Variants in KCNIP4 observed in about 807,000 individuals in gnomAD.
KCNIP4 encodes Kv channel-interacting protein 4.
A neutral mutation model predicts 34.0 loss-of-function variants in KCNIP4; 12 were observed. That is an observed-to-expected ratio of 0.35 (90% confidence interval 0.23 to 0.57). KCNIP4 has a LOEUF of 0.57. Ranked by LOEUF, KCNIP4 falls within the 20% of genes least tolerant of loss-of-function variation. The pLI, the probability that KCNIP4 is intolerant of heterozygous loss-of-function variation, is 0.83. For missense variants in KCNIP4, 238 were observed against 311.7 expected (o/e 0.76, Z 1.78); for synonymous variants, 124 against 102.2 (o/e 1.21, Z -1.29).
intron 1 of KCNIP4, among the ~76,000 whole-genome samples, chr4:21,254,647 A>G (rs1225575307): frequency 6.6e-6 from 1 of 152,160 alleles, no homozygotes; most frequent in Admixed American, 6.5e-5. Flanking sequence ...ACCTACCTCC[A>G]CTGCTTAATG....
intron 1 of KCNIP4, among the ~76,000 whole-genome samples, chr4:21,768,809 C>G (rs749979546): frequency 7.9e-5 from 12 of 151,942 alleles, no homozygotes; most frequent in Non-Finnish European, 1.6e-4. Context: ...TGGTATACAG[C>G]CTTCAAGAAC....
chr4:20,828,522 T>A (rs550286718), intron 3 of KCNIP4, among the ~76,000 whole-genome samples: 1 of 152,194 alleles, frequency 6.6e-6, no homozygotes, highest in Non-Finnish European at 1.5e-5. Flanking sequence ...TATTAAGTCA[T>A]GTACAGAAGG....
intron 1 of KCNIP4, among the ~76,000 whole-genome samples, chr4:21,549,912 C>A (rs1227127125): frequency 2.0e-5 from 3 of 152,030 alleles, no homozygotes; most frequent in Non-Finnish European, 4.4e-5. Context: ...TCAGAAGTCC[C>A]TTCCACTACT....
At chr4:21,168,175 C>T (rs1437920760) in intron 1 of KCNIP4, among the ~76,000 whole-genome samples, 1 of 152,138 alleles carries the variant, frequency 6.6e-6, no homozygotes, top group Non-Finnish European at 1.5e-5. Flanking sequence ...GAGAGAAAGG[C>T]TTCTTGCATC....
At chr4:21,119,333 G>C (rs1016762222) in intron 1 of KCNIP4, among the ~76,000 whole-genome samples, 1 of 151,646 alleles carries the variant, frequency 6.6e-6, no homozygotes, top group East Asian at 2.0e-4. Flanking sequence ...ACAGAAGTCA[G>C]TGCAGTGGCT....
intron 1 of KCNIP4, among the ~76,000 whole-genome samples, chr4:21,105,809 T>C (rs1051247687): frequency 4.0e-5 from 6 of 151,550 alleles, no homozygotes; most frequent in African/African-American, 1.2e-4. Context: ...GCATGAAGGG[T>C]TGTTGAATTT....
At chr4:21,043,361 A>G (rs1044539406) in intron 1 of KCNIP4, among the ~76,000 whole-genome samples, 1 of 152,030 alleles carries the variant, frequency 6.6e-6, no homozygotes, top group Admixed American at 6.6e-5. Flanking sequence ...ACGGAGTCTC[A>G]CTCTGTCATC....
chr4:21,147,870 CA>C (rs1381794532), intron 1 of KCNIP4, among the ~76,000 whole-genome samples: 3 of 136,250 alleles, frequency 2.2e-5, no homozygotes, highest in Non-Finnish European at 3.0e-5. Context: ...ACCTGGGAAG[CA>C]GATGTTGCAG....
intron 2 of KCNIP4, among the ~76,000 whole-genome samples, chr4:20,871,423 T>A (rs532327846): frequency 6.6e-6 from 1 of 151,916 alleles, no homozygotes; most frequent in East Asian, 1.9e-4. Flanking sequence ...GCAGAAAATA[T>A]AACAGTAATT....
intron 1 of KCNIP4, among the ~76,000 whole-genome samples, chr4:21,257,198 G>A (rs1761117263): frequency 6.6e-6 from 1 of 152,172 alleles, no homozygotes; most frequent in South Asian, 2.1e-4. Context: ...ACAAGTTTGT[G>A]AATAAAAAGC....
At chr4:21,380,923 T>C (rs1372658116) in intron 1 of KCNIP4, among the ~76,000 whole-genome samples, 1 of 152,140 alleles carries the variant, frequency 6.6e-6, no homozygotes. Context: ...GATAAGATTG[T>C]TGCAAGGTAT....
At chr4:21,948,316 C>A (rs1276642530) in intron 1 of KCNIP4, among the ~76,000 whole-genome samples, 1 of 152,162 alleles carries the variant, frequency 6.6e-6, no homozygotes, top group Non-Finnish European at 1.5e-5. Context: ...TCGCAGGGGA[C>A]CCTGCCACCG....
intron 1 of KCNIP4, among the ~76,000 whole-genome samples, chr4:21,300,690 T>C (rs1711572050): frequency 1.3e-5 from 2 of 152,090 alleles, no homozygotes; most frequent in Non-Finnish European, 2.9e-5. Context: ...TGAAATACAA[T>C]GAATATTTCC....
chr4:21,254,019 G>T (rs918276963), intron 1 of KCNIP4, among the ~76,000 whole-genome samples: 2 of 152,196 alleles, frequency 1.3e-5, no homozygotes, highest in African/African-American at 4.8e-5. Context: ...ACAGAATTCA[G>T]ATTTGTGATT....
At chr4:21,247,531 C>T (rs1577957571) in intron 1 of KCNIP4, among the ~76,000 whole-genome samples, 1 of 146,114 alleles carries the variant, frequency 6.8e-6, no homozygotes, top group Non-Finnish European at 1.5e-5. Context: ...GGCCCAGGAA[C>T]ATTTACAAGA....
chr4:21,263,147 T>C (rs1442211635), intron 1 of KCNIP4, among the ~76,000 whole-genome samples: 1 of 152,136 alleles, frequency 6.6e-6, no homozygotes, highest in Non-Finnish European at 1.5e-5. Flanking sequence ...CATGAGTAAT[T>C]GGTCCATATG....
At chr4:21,637,783 CAAAAAA>C (rs3050028) in intron 1 of KCNIP4, among the ~76,000 whole-genome samples, 4 of 109,470 alleles carry the variant, frequency 3.7e-5, no homozygotes, top group Non-Finnish European at 7.4e-5. Flanking sequence ...AAGTCCGTCT[CAAAAAA>C]AAAAAAAAAA....
chr4:21,137,294 A>G (rs76977099), intron 1 of KCNIP4, among the ~76,000 whole-genome samples: 2,619 of 152,326 alleles, frequency 0.017, 84 homozygotes, highest in African/African-American at 0.058. Flanking sequence ...AGACAGCAGC[A>G]GTGAATAGCA....
chr4:21,329,081 T>A (rs1194524847), intron 1 of KCNIP4, among the ~76,000 whole-genome samples: 3 of 152,264 alleles, frequency 2.0e-5, no homozygotes, highest in Non-Finnish European at 2.9e-5. Context: ...CTAGGCTTCC[T>A]CAGTCTTGCA....
Sources: allele counts gnomAD v4.1 joint callset (sites outside exome capture counted in the v4.1 genomes callset), GRCh38; gene constraint gnomAD v4.1.1; transcripts MANE v1.5; gene names NCBI Gene and HGNC (gene_info 2026-07-23, HGNC 2026-07-21).